Variants in GLDN observed in about 807,000 individuals in gnomAD.
The protein encoded by GLDN is collomin.
In GLDN, 47 loss-of-function variants were observed where a neutral mutation model predicts 56.5. The ratio of observed to expected loss-of-function variants is 0.83; its 90% CI spans 0.66 to 1.06. The LOEUF is 1.06. Among genes scored for constraint, GLDN ranks in the 50% least tolerant of loss-of-function variants. GLDN has a pLI of 0.00. For synonymous variants in GLDN, 332 were observed against 278.8 expected (o/e 1.19, Z -1.90); for missense variants, 782 against 714.3 (o/e 1.09, Z -1.08).
chr15:51,398,310 A>G (rs1369491459), intron 6 of GLDN, among the ~76,000 whole-genome samples: 3 of 152,254 alleles, frequency 2.0e-5, no homozygotes, highest in Non-Finnish European at 2.9e-5. Context: ...CCTCTGGTGG[A>G]CTTGTTCTTT....
At position 51,353,734 on chromosome 15, in the gene GLDN, A is replaced by AAAAAAAAAAAAAAC. The variant is rs60404846; in HGVS notation, c.363+11687_363+11688insAAAAAAAAAAAAAC. Among the ~76,000 whole-genome samples, 231 of 128,848 alleles carry AAAAAAAAAAAAAAC rather than the reference A, an allele frequency of 1.8e-3. 3 individuals are homozygous for AAAAAAAAAAAAAAC. Among genetic ancestry groups the AAAAAAAAAAAAAAC allele is most frequent in the East Asian group, 3.7e-3 (13 of 3,482 alleles). The allele number at this position is 128,848 out of a possible 152,430, so 84.5% of individuals were successfully genotyped here. Reference sequence around the variant, plus strand: ...TTGATTAAAAAAAAAAAAAAAAAAAACCACAGTCAATTAAAAAAAAAAAAA... The same window carrying AAAAAAAAAAAAAAC: ...TTGATTAAAAAAAAAAAAAAAAAAAAAAAAAAAAAAAAACCCACAGTCAATTAAAAAAAAAAAAA... On this transcript the variant is annotated intron_variant, in intron 1 of 9. Transcript: ENST00000335449.
chr15:51,374,696 A>T (rs550365755), intron 1 of GLDN, among the ~76,000 whole-genome samples: 94 of 150,174 alleles, frequency 6.3e-4, no homozygotes, highest in East Asian at 2.7e-3. Context: ...CATATTATTC[A>T]TCGTTAAATT....
rs564138395 is a variant in GLDN at position 51,379,157 on chromosome 15, C to A, written c.415+1657C>A. Among the ~76,000 whole-genome samples, 27 of 152,266 alleles carry A rather than the reference C, an allele frequency of 1.8e-4. 1 individual carries two copies. In the South Asian group the frequency reaches 5.4e-3, roughly 30 times the overall value. Reference sequence around the variant, plus strand: ...GCAACCTTTAACATCTCAGTTGGATCGTGAGGGTAATCCCCTAGCTAGAGT... The same window carrying A: ...GCAACCTTTAACATCTCAGTTGGATAGTGAGGGTAATCCCCTAGCTAGAGT... On this transcript the variant is annotated intron_variant, in intron 2 of 9. Transcript: ENST00000335449.
intron 1 of GLDN, among the ~76,000 whole-genome samples, chr15:51,361,018 G>T (rs940178837): frequency 6.6e-6 from 1 of 152,226 alleles, no homozygotes; most frequent in African/African-American, 2.4e-5. Flanking sequence ...TTGGATGAAT[G>T]TAAGAATGCT....
At chr15:51,373,253 C>T (rs1415420300) in intron 1 of GLDN, among the ~76,000 whole-genome samples, 1 of 152,104 alleles carries the variant, frequency 6.6e-6, no homozygotes, top group African/African-American at 2.4e-5. Flanking sequence ...GGATTGGGTC[C>T]AGGACACCTG....
intron 1 of GLDN, among the ~76,000 whole-genome samples, chr15:51,347,143 G>A (rs2036992501): frequency 6.6e-6 from 1 of 152,038 alleles, no homozygotes; most frequent in African/African-American, 2.4e-5. Context: ...TACACTTAAT[G>A]TTCCTAAAAG....
At chr15:51,375,256 A>G (rs1043417153) in intron 1 of GLDN, among the ~76,000 whole-genome samples, 1 of 152,188 alleles carries the variant, frequency 6.6e-6, no homozygotes, top group African/African-American at 2.4e-5. Flanking sequence ...GAAATTTTTG[A>G]AAAAGACAAT....
intron 1 of GLDN, among the ~76,000 whole-genome samples, chr15:51,350,945 G>A (rs2037065330): frequency 6.6e-6 from 1 of 152,176 alleles, no homozygotes; most frequent in South Asian, 2.1e-4. Context: ...GCAGAGGTGA[G>A]GGCAGTAGTA....
chr15:51,378,408 A>ATC (rs1279902125), intron 2 of GLDN, among the ~76,000 whole-genome samples: 14 of 152,190 alleles, frequency 9.2e-5, no homozygotes, highest in Admixed American at 6.5e-4. Context: ...TCTTTCTTCC[A>ATC]TCTCTTGAAG....
intron 6 of GLDN, among the ~76,000 whole-genome samples, chr15:51,399,049 T>G (rs139624703): frequency 5.9e-4 from 90 of 152,266 alleles, no homozygotes; most frequent in African/African-American, 2.0e-3. Context: ...TGCCAAGCAT[T>G]TGCATCTGAA....
chr15:51,399,082 A>G (rs112714914), intron 6 of GLDN, among the ~76,000 whole-genome samples: 2,757 of 152,100 alleles, frequency 0.018, 43 homozygotes, highest in Non-Finnish European at 0.032. Context: ...TCCTGCTCCA[A>G]CTCCACATCT....
intron 1 of GLDN, among the ~76,000 whole-genome samples, chr15:51,366,172 GAGA>G (rs1214353525): frequency 1.3e-5 from 2 of 152,192 alleles, no homozygotes; most frequent in African/African-American, 2.4e-5. Flanking sequence ...TCTGACCGGG[GAGA>G]AGAACAATCC....
chr15:51,368,400 G>C (rs1187111540), intron 1 of GLDN, among the ~76,000 whole-genome samples: 1 of 151,942 alleles, frequency 6.6e-6, no homozygotes. Flanking sequence ...AGATTCTGCT[G>C]GACTCTGCAG....
At chr15:51,372,363 C>T (rs953840485) in intron 1 of GLDN, among the ~76,000 whole-genome samples, 1 of 152,322 alleles carries the variant, frequency 6.6e-6, no homozygotes, top group Middle Eastern at 3.4e-3. Context: ...AACAAGTCGC[C>T]ATGCAATGTA....
chr15:51,393,658 A>C lies in GLDN; in HGVS notation c.542-1177A>C, dbSNP rs544496660. On this transcript the variant is annotated intron_variant, in intron 4 of 9. Coordinates refer to ENST00000335449, the MANE Select transcript of GLDN (RefSeq NM_181789.4). ...AATTCTAGCCGTCTCCTTCTCCCCA[A>C]ACTCTGATTTTTGGCCCCTCAACTT... Among the ~76,000 whole-genome samples the C allele has an allele frequency of 2.0e-5, 3 of 152,090 alleles. No individual in the cohort carries two copies. The South Asian group carries it at 6.2e-4, about 32-fold the overall frequency.
At chr15:51,394,686 G>T (rs2038087080) in intron 4 of GLDN, 149 bp from the exon 5 acceptor site, 2 of 682,896 alleles carry the variant, frequency 2.9e-6, no homozygotes, top group East Asian at 2.9e-5. Flanking sequence ...TGAACGTATG[G>T]TCACACTGCT....
rs1462900988 is a variant in GLDN at position 51,400,482 on chromosome 15, G to C, written c.1011G>C (p.Val337=). The part of the protein sequence containing the change: ...SANKSDDRIW[V]TEHFSGIMVK... Reference sequence around the variant, plus strand: ...ACAAGAGTGATGACCGGATTTGGGTGACAGAGCATTTTTCAGGTACTTGCA... The same window carrying C: ...ACAAGAGTGATGACCGGATTTGGGTCACAGAGCATTTTTCAGGTACTTGCA... Residue 337 remains valine, a synonymous_variant, in exon 8 of 10, where the codon GTG becomes GTC. Transcript: ENST00000335449. 2 of 1,614,154 alleles carry C rather than the reference G, an allele frequency of 1.2e-6. No individual in the cohort carries two copies. The highest frequency in any genetic ancestry group is 3.3e-5 in the Admixed American group (2 of 60,022).
intron 1 of GLDN, among the ~76,000 whole-genome samples, chr15:51,356,831 A>C (rs1345257031): frequency 6.6e-6 from 1 of 152,194 alleles, no homozygotes; most frequent in African/African-American, 2.4e-5. Flanking sequence ...ACTCATCAAT[A>C]TTATTTTAGT....
At chr15:51,411,479 A>G (rs1386210495), downstream of GLDN, among the ~76,000 whole-genome samples, 2 of 152,222 alleles carry the variant, frequency 1.3e-5, no homozygotes, top group Non-Finnish European at 2.9e-5. Context: ...AGTAAAGGGG[A>G]AATTCAAAGA....
Sources: gnomAD v4.1 joint callset for allele counts (sites outside exome capture counted in the v4.1 genomes callset) on GRCh38, gnomAD v4.1.1 for gene constraint, MANE v1.5 for transcripts, NCBI Gene and HGNC (gene_info 2026-07-23, HGNC 2026-07-21) for gene names.